Variants in EYS observed in about 807,000 individuals in gnomAD.
The protein encoded by EYS is EGF-like photoreceptor maintenance factor.
A neutral mutation model predicts 282.1 loss-of-function variants in EYS; 250 were observed. The ratio of observed to expected loss-of-function variants is 0.89; its 90% CI spans 0.80 to 0.98. The LOEUF (loss-of-function observed/expected upper bound fraction) is 0.98, where lower values mean the gene tolerates loss of function less well. EYS is among the 50% of genes least tolerant of loss of function. The probability of loss-of-function intolerance (pLI) is 0.00; values close to 1 mark genes in which losing one functional copy is unlikely to be tolerated. For synonymous variants in EYS, 1,355 were observed against 1,282.9 expected, an observed-to-expected ratio of 1.06 and a Z score of -1.20; for missense variants, 4,016 against 3,709.0, an observed-to-expected ratio of 1.08 and a Z score of -2.15.
chr6:64,294,615 G>A (rs1046180070), intron 30 of EYS, among the ~76,000 whole-genome samples: 1 of 152,174 alleles, frequency 6.6e-6, no homozygotes, highest in Non-Finnish European at 1.5e-5. Context: ...AATTAGTGGA[G>A]AGCTTCAATT....
In EYS at chr6:63,965,533, G is replaced by A. The variant is rs1766265477; in HGVS notation, c.7055+18850C>T. Among the ~76,000 whole-genome samples, 2 of 152,164 alleles carry A rather than the reference G, an allele frequency of 1.3e-5. 1 individual carries two copies. On this transcript the variant is annotated intron_variant, in intron 35 of 42. Transcript: ENST00000503581. ...TTGACAAGCACCCAGGTATCAAATT[G>A]TCCTTCTTTCTCTTGTAAGAGTCAT...
chr6:64,849,490 TTC>T (rs1765816867), intron 19 of EYS, among the ~76,000 whole-genome samples: 1 of 152,040 alleles, frequency 6.6e-6, no homozygotes, highest in Non-Finnish European at 1.5e-5. Flanking sequence ...AGATTTCTAT[TTC>T]TGCATATTTA....
intron 30 of EYS, among the ~76,000 whole-genome samples, chr6:64,283,670 C>T (rs939865054): frequency 8.6e-5 from 13 of 152,020 alleles, no homozygotes; most frequent in African/African-American, 1.9e-4. Context: ...TGTATTAGTC[C>T]GTTTTCATGC....
intron 2 of EYS, among the ~76,000 whole-genome samples, chr6:65,507,212 T>G (rs537827358): frequency 3.9e-5 from 6 of 152,296 alleles, no homozygotes; most frequent in East Asian, 3.9e-4. Flanking sequence ...TCTAGGTTAG[T>G]GGGCTTTTTC....
At chr6:65,311,694 C>A (rs945882158) in intron 11 of EYS, among the ~76,000 whole-genome samples, 6 of 152,174 alleles carry the variant, frequency 3.9e-5, no homozygotes, top group Non-Finnish European at 7.3e-5. Context: ...ACTGTCAGGG[C>A]CAATGTTGGA....
At chr6:64,743,995 C>T (rs1772466276) in intron 22 of EYS, among the ~76,000 whole-genome samples, 1 of 152,066 alleles carries the variant, frequency 6.6e-6, no homozygotes, top group South Asian at 2.1e-4. Context: ...ATAGATGACT[C>T]TTTGTAAAAT....
intron 12 of EYS, among the ~76,000 whole-genome samples, chr6:65,148,554 T>A (rs1404804758): frequency 6.6e-6 from 1 of 152,100 alleles, no homozygotes; most frequent in East Asian, 1.9e-4. Flanking sequence ...GCATTTAGTG[T>A]CTGCAGTTTT....
chr6:65,446,515 CAAGATAATACT>C (rs1358635785), intron 5 of EYS, among the ~76,000 whole-genome samples: 42 of 151,810 alleles, frequency 2.8e-4, no homozygotes, highest in African/African-American at 9.6e-4. Flanking sequence ...GAATTAAACT[CAAGATAATACT>C]GAGAGTTGTG....
chr6:65,597,396 ACAAGAAAG>A (rs1311876256), intron 2 of EYS, among the ~76,000 whole-genome samples: 1 of 152,102 alleles, frequency 6.6e-6, no homozygotes, highest in African/African-American at 2.4e-5. Flanking sequence ...ACAGTAAGCT[ACAAGAAAG>A]CAGGAACCAC....
At chr6:63,753,125 T>G (rs1769381044) in intron 41 of EYS, among the ~76,000 whole-genome samples, 1 of 111,484 alleles carries the variant, frequency 9.0e-6, no homozygotes, top group African/African-American at 3.6e-5. Flanking sequence ...AATATGTGTG[T>G]GTATGTGTGT....
chr6:63,810,069 G>A (rs1299524515), intron 36 of EYS, among the ~76,000 whole-genome samples: 10 of 147,472 alleles, frequency 6.8e-5, no homozygotes, highest in African/African-American at 1.7e-4. Context: ...GTGAAACCCC[G>A]CCTCTACTTT....
intron 2 of EYS, among the ~76,000 whole-genome samples, chr6:65,554,912 A>G (rs939336365): frequency 1.3e-5 from 2 of 152,186 alleles, no homozygotes; most frequent in African/African-American, 4.8e-5. Flanking sequence ...ATATTTCACT[A>G]CAAAACTCTT....
chr6:65,426,283 TTC>T (rs1404672220), intron 5 of EYS, among the ~76,000 whole-genome samples: 1 of 152,104 alleles, frequency 6.6e-6, no homozygotes, highest in Non-Finnish European at 1.5e-5. Context: ...ATAGCCAAAA[TTC>T]TATTTTATTA....
intron 36 of EYS, among the ~76,000 whole-genome samples, chr6:63,831,067 C>A (rs1260386333): frequency 6.6e-6 from 1 of 152,144 alleles, no homozygotes; most frequent in Non-Finnish European, 1.5e-5. Context: ...CTGAAGGAAG[C>A]ACTAAACATG....
At chr6:64,996,330 A>AC (rs761691128) in intron 14 of EYS, among the ~76,000 whole-genome samples, 12 of 152,076 alleles carry the variant, frequency 7.9e-5, no homozygotes, top group South Asian at 2.1e-4. Context: ...AATCAACTAT[A>AC]CCCCCCCATC....
chr6:64,196,969 T>C (rs1765310363), intron 31 of EYS, among the ~76,000 whole-genome samples: 1 of 152,056 alleles, frequency 6.6e-6, no homozygotes, highest in African/African-American at 2.4e-5. Flanking sequence ...TGTTTGTCTT[T>C]ACTAGTGGCA....
intron 8 of EYS, among the ~76,000 whole-genome samples, chr6:65,360,798 G>C (rs1054881882): frequency 6.6e-6 from 1 of 152,120 alleles, no homozygotes; most frequent in African/African-American, 2.4e-5. Flanking sequence ...ATCCCATTTA[G>C]TGTAGTCACT....
chr6:64,722,385 A>G (rs1288901306), intron 22 of EYS, among the ~76,000 whole-genome samples: 2 of 152,144 alleles, frequency 1.3e-5, no homozygotes, highest in African/African-American at 4.8e-5. Flanking sequence ...CCAAGGCAAC[A>G]GAGTATGGGA....
At chr6:64,524,278 C>T (rs16895455) in intron 26 of EYS, among the ~76,000 whole-genome samples, 59,610 of 151,406 alleles carry the variant, frequency 0.39, 12,052 homozygotes, top group African/African-American at 0.51. Flanking sequence ...CATGTTTGAA[C>T]TCAGCTATAA....
Sources: allele counts gnomAD v4.1 joint callset (sites outside exome capture counted in the v4.1 genomes callset), GRCh38; gene constraint gnomAD v4.1.1; transcripts MANE v1.5; gene names NCBI Gene and HGNC (gene_info 2026-07-23, HGNC 2026-07-21).